Variants in EVC2 observed in about 807,000 individuals in gnomAD.
EVC2 encodes the protein limbin.
A neutral mutation model predicts 149.3 loss-of-function variants in EVC2; 148 were observed. The ratio of observed to expected loss-of-function variants is 0.99; its 90% CI spans 0.87 to 1.14. The LOEUF is 1.14. Ranked by LOEUF, EVC2 falls within the 50% of genes most tolerant of loss-of-function variation. The probability of loss-of-function intolerance (pLI) is 0.00; values close to 1 mark genes in which losing one functional copy is unlikely to be tolerated. For synonymous variants in EVC2, 776 were observed against 649.9 expected (o/e 1.19, Z -2.95); for missense variants, 1,854 against 1,627.3 (o/e 1.14, Z -2.40).
At chr4:5,535,409 G>A in the EVC2 span, among the ~76,000 whole-genome samples, 2 of 152,230 alleles carry the variant, frequency 1.3e-5, no homozygotes, top group Admixed American at 6.5e-5. This position sits in a 1 kb window ranked among gnomAD's most constrained non-coding sequence, Gnocchi z 4.7. Context: ...CCTGAATCTC[G>A]AGGGAAACTG....
At chr4:5,585,856 T>C (rs556245154) in intron 16 of EVC2, among the ~76,000 whole-genome samples, 76 of 152,122 alleles carry the variant, frequency 5.0e-4, no homozygotes, top group African/African-American at 1.7e-3. Context: ...TATCTAGCTG[T>C]TGTATTTTAT....
At chr4:5,564,508 C>T (rs1722144140) in intron 21 of EVC2, among the ~76,000 whole-genome samples, 1 of 152,196 alleles carries the variant, frequency 6.6e-6, no homozygotes, top group African/African-American at 2.4e-5. Flanking sequence ...GGTCTCAGCA[C>T]CTTCAACTGA....
In EVC2 at chr4:5,708,442, C is replaced by G. The variant is rs2151750115; in HGVS notation, c.72G>C (p.Ala24=). The G allele has an allele frequency of 6.6e-7, 1 of 1,506,408 alleles. No individual in the cohort carries two copies. Among genetic ancestry groups the G allele is most frequent in the African/African-American group, 1.4e-5 (1 of 69,198 alleles). 93.3% of individuals were successfully genotyped at this position (1,506,408 alleles called of 1,614,324 possible). ...LAGGLLAVAL[A]LGGRGCLGAS... ...CGCCGAGACAGCCTCGGCCCCCCAG[C>G]GCCAGGGCCACTGCCAGGAGACCCC... Residue 24 remains alanine, a synonymous_variant, in exon 1 of 22, where the codon GCG becomes GCC. Transcript: ENST00000344408.
chr4:5,543,186 T>C (rs1239057587), exon 22 of EVC2: 7 of 1,289,746 alleles, frequency 5.4e-6, no homozygotes, highest in Non-Finnish European at 7.1e-6. Context: ...TACCAGGTAC[T>C]GCCAGAAGCT....
chr4:5,634,485 A>G (rs880291), intron 10 of EVC2, among the ~76,000 whole-genome samples: 14,257 of 152,196 alleles, frequency 0.094, 2,135 homozygotes, highest in African/African-American at 0.32. Flanking sequence ...ATACGGGGTA[A>G]TTTCCATTTA....
intron 1 of EVC2, among the ~76,000 whole-genome samples, chr4:5,701,104 C>T (rs1721795769): frequency 6.6e-6 from 1 of 152,220 alleles, no homozygotes; most frequent in South Asian, 2.1e-4. Flanking sequence ...TCAGAGACTG[C>T]TGCGTTCCTT....
At chr4:5,536,131 G>C in the EVC2 span, among the ~76,000 whole-genome samples, 1 of 151,938 alleles carries the variant, frequency 6.6e-6, no homozygotes, top group Admixed American at 6.6e-5. Flanking sequence ...GACATGCAAG[G>C]TTCACCATAT....
chr4:5,589,698 T>C (rs555158209), intron 16 of EVC2, among the ~76,000 whole-genome samples: 34 of 152,326 alleles, frequency 2.2e-4, no homozygotes, highest in Non-Finnish European at 2.9e-4. Context: ...TTTTGTCTGC[T>C]GTCCAGTGTC....
At chr4:5,676,921 C>G (rs144517443) in intron 7 of EVC2, among the ~76,000 whole-genome samples, 1 of 152,072 alleles carries the variant, frequency 6.6e-6, no homozygotes, top group Non-Finnish European at 1.5e-5. Context: ...TCCATGCTGC[C>G]GCACGCTCCA....
intron 19 of EVC2, among the ~76,000 whole-genome samples, chr4:5,572,986 T>C (rs1251383124): frequency 2.0e-5 from 3 of 152,170 alleles, no homozygotes; most frequent in Non-Finnish European, 4.4e-5. Flanking sequence ...CCACCTCTCT[T>C]TGCCTCAGTC....
At chr4:5,623,532 G>T (rs1715886886) in intron 13 of EVC2, among the ~76,000 whole-genome samples, 1 of 152,070 alleles carries the variant, frequency 6.6e-6, no homozygotes, top group East Asian at 1.9e-4. Flanking sequence ...TAGAGTTGGG[G>T]TTTCACCATG....
intron 16 of EVC2, among the ~76,000 whole-genome samples, chr4:5,588,929 A>G (rs952057746): frequency 3.3e-5 from 5 of 152,242 alleles, no homozygotes; most frequent in Non-Finnish European, 7.3e-5. Context: ...TAGCATTCCA[A>G]TAATGGAACA....
the EVC2 span, among the ~76,000 whole-genome samples, chr4:5,530,355 G>A: frequency 6.6e-6 from 1 of 152,138 alleles, no homozygotes; most frequent in Non-Finnish European, 1.5e-5. Context: ...ACCTTTCCAC[G>A]AAATTGCGTG....
At chr4:5,616,931 G>C (rs888971066) in intron 15 of EVC2, among the ~76,000 whole-genome samples, 12 of 152,194 alleles carry the variant, frequency 7.9e-5, no homozygotes, top group African/African-American at 2.7e-4. Context: ...CAGCTTCAAG[G>C]CAGGGGAACC....
chr4:5,544,339 T>C (rs917862130), intron 21 of EVC2, among the ~76,000 whole-genome samples: 3 of 152,170 alleles, frequency 2.0e-5, no homozygotes, highest in African/African-American at 4.8e-5. Flanking sequence ...AATTGATTGG[T>C]CCCTGCTTTC....
chr4:5,684,973 C>T (rs1469657317), intron 6 of EVC2, among the ~76,000 whole-genome samples: 1 of 152,186 alleles, frequency 6.6e-6, no homozygotes, highest in Non-Finnish European at 1.5e-5. Context: ...GGCTTCCAGC[C>T]TCCTGGACAA....
In EVC2 at chr4:5,614,048, C is replaced by T. The variant is rs918348315; in HGVS notation, c.2829+1374G>A. On this transcript the variant is annotated intron_variant, in intron 16 of 21. Coordinates refer to ENST00000344408, the MANE Select transcript of EVC2 (RefSeq NM_147127.5). This position sits in a 1 kb window ranked among gnomAD's most constrained non-coding sequence, Gnocchi z 4.7. ...AGCAGCTCTAAAGCATGGCTTCATA[C>T]ATTCATTCACTGAACATACTCCTGT... is the stretch of plus-strand genomic sequence containing the variant. Among the ~76,000 whole-genome samples the T allele has an allele frequency of 2.0e-5, 3 of 152,196 alleles. No individual in the cohort carries two copies. The highest frequency in any genetic ancestry group is 7.2e-5 in the African/African-American group (3 of 41,446).
At position 5,670,535 on chromosome 4, in the gene EVC2, A is replaced by C. The variant is rs992236949; in HGVS notation, c.871-4886T>G. 1.3e-5 allele frequency among the ~76,000 whole-genome samples: 2 copies of C among 150,648 alleles called. No individual in the cohort carries two copies. The highest frequency in any genetic ancestry group is 3.0e-5 in the Non-Finnish European group (2 of 67,646). ...GCCACCACGATTATCAACATCATCA[A>C]TATCCCCATCACCATCATCTTCACA... On this transcript the variant is annotated intron_variant, in intron 7 of 21. Coordinates refer to ENST00000344408, the MANE Select transcript of EVC2 (RefSeq NM_147127.5). The surrounding 1 kb of genome is among the most constrained non-coding windows in gnomAD (Gnocchi z 5.2).
rs1417914050 is a variant in EVC2, at chr4:5,568,549, G to A, written c.3452C>T (p.Ser1151Leu). 6.2e-7 allele frequency: 1 copy of A among 1,604,238 alleles called. No homozygotes were observed. Among genetic ancestry groups the A allele is most frequent in the Admixed American group, 1.7e-5 (1 of 59,548 alleles). The stretch of plus-strand genomic sequence containing the variant: ...CAGCAGGGCCAGCAGCTGAGGCTGT[G>A]AGGCTGTGGGCAGTACCACACTCAG... The part of the protein sequence containing the change: ...RLLSVVLPTA[S>L]QPQLLALLDS... The change falls in exon 20 of 22, where the codon TCA (serine) becomes TTA (leucine). Residue 1151 changes from serine to leucine, a missense_variant. Ser to Leu is a moderately radical substitution (Grantham distance 145, BLOSUM62 -2). Transcript: ENST00000344408.
Sources: gnomAD v4.1 joint callset for allele counts (sites outside exome capture counted in the v4.1 genomes callset) on GRCh38, gnomAD v4.1.1 for gene constraint, Gnocchi (gnomAD v3.1) non-coding constraint, MANE v1.5 for transcripts, NCBI Gene and HGNC (gene_info 2026-07-23, HGNC 2026-07-21) for gene names.